Variants in RPL11 observed in about 807,000 individuals in gnomAD.
RPL11 encodes ribosomal protein L11.
Under a neutral mutation model 24.1 loss-of-function variants are expected in RPL11, and 3 were observed. That is an observed-to-expected ratio of 0.12 (90% CI 0.06 to 0.32). RPL11 has a LOEUF of 0.32. Ranked by LOEUF, RPL11 falls within the 10% of genes least tolerant of loss-of-function variation. RPL11 has a pLI of 1.00. For missense variants in RPL11, 146 were observed against 225.7 expected, an observed-to-expected ratio of 0.65 and a Z score of 2.26; for synonymous variants, 96 against 75.7, an observed-to-expected ratio of 1.27 and a Z score of -1.39.
intron 4 of RPL11, chr1:23,695,567 G>T: frequency 1.8e-6 from 1 of 559,792 alleles, no homozygotes; most frequent in Non-Finnish European, 3.2e-6. Flanking sequence ...TGGAAAATAG[G>T]CTGGGTTAGG....
At chr1:23,694,837 G>A (rs568061540) in intron 4 of RPL11, 46 bp downstream of exon 4, 38 of 1,613,538 alleles carry the variant, frequency 2.4e-5, no homozygotes, top group Non-Finnish European at 3.1e-5. Flanking sequence ...TGAGGAGAGG[G>A]GAATCTTTAT....
chr1:23,691,886 C>T (rs753308073), intron 1 of RPL11, 57 bp downstream of exon 1: 1 of 1,612,536 alleles, frequency 6.2e-7, no homozygotes, highest in Non-Finnish European at 8.5e-7. Context: ...CATGGCAGGC[C>T]GAGCCTGCGG....
In RPL11 at chr1:23,696,723, C is replaced by T; in HGVS notation, c.*350C>T. 2.5e-6 allele frequency: 1 copy of T among 396,084 alleles called. No homozygotes were observed. Among genetic ancestry groups the T allele is most frequent in the East Asian group, 5.7e-5 (1 of 17,698 alleles). 24.5% of individuals were successfully genotyped at this position (396,084 alleles called of 1,614,324 possible). A position where few individuals can be genotyped will look rare whatever the true frequency, so the allele number is the denominator to read the frequency against. The stretch of plus-strand genomic sequence containing the variant: ...CAGTGCTCCTGTGTTCCAGGAGGCC[C>T]CCTGCTATTCAGTGATTCTGTTCTG... On this transcript the variant is annotated 3_prime_UTR_variant, in exon 6 of 6. Coordinates refer to ENST00000643754, the MANE Select transcript of RPL11 (RefSeq NM_000975.5).
rs1280744713 is a variant in RPL11 at position 23,696,665 on chromosome 1, G to T, written c.*292G>T. 3.9e-6 allele frequency: 2 copies of T among 512,840 alleles called. No homozygotes were observed. Among genetic ancestry groups the T allele is most frequent in the East Asian group, 7.1e-5 (2 of 28,342 alleles). 31.8% of individuals were successfully genotyped at this position (512,840 alleles called of 1,614,324 possible). A position where few individuals can be genotyped will look rare whatever the true frequency, so the allele number is the denominator to read the frequency against. On this transcript the variant is annotated 3_prime_UTR_variant, in exon 6 of 6. Coordinates refer to ENST00000643754, the MANE Select transcript of RPL11 (RefSeq NM_000975.5). ...GAGGGGAGGGTTTGGTTGATGTTGG[G>T]GTTTGAATTTAGAGCCTTGGTTAAG...
chr1:23,692,221 G>C lies in RPL11; in HGVS notation c.7-388G>C, dbSNP rs546192807. The stretch of plus-strand genomic sequence containing the variant: ...AGGTGCCAGCCTTTAGACAGCTTCC[G>C]AATAGGATGCTGGACGTCGCATAAC... On this transcript the variant is annotated intron_variant, in intron 1 of 5. Transcript: ENST00000643754. 5.5e-4 allele frequency: 239 copies of C among 431,392 alleles called. 2 individuals are homozygous for C. Among genetic ancestry groups the C allele is most frequent in the African/African-American group, 4.3e-3 (217 of 50,174 alleles). The allele number at this position is 431,392 out of a possible 1,614,324, so 26.7% of individuals were successfully genotyped here.
At position 23,694,790 on chromosome 1, in the gene RPL11, T is replaced by C. The variant is rs759713829; in HGVS notation, c.395T>C (p.Val132Ala). The C allele has an allele frequency of 3.1e-6, 5 of 1,614,184 alleles. No homozygotes were observed. The highest frequency in any genetic ancestry group is 3.4e-6 in the Non-Finnish European group (4 of 1,180,042). Residue 132 changes from valine to alanine, a missense_variant and splice_region_variant, in exon 4 of 6, where the codon GTG becomes GCG. By Grantham distance (64) the Val-to-Ala change is moderately conservative. Transcript: ENST00000643754. ...GGTATCTACGGCCTGGACTTCTATGTGGTATGAATATTTAATCTTTTCCCG... is the reference window on the plus strand; with the variant it reads ...GGTATCTACGGCCTGGACTTCTATGCGGTATGAATATTTAATCTTTTCCCG... ...SIGIYGLDFYVVLGRPGFSIA... is the reference protein window; with the variant it reads ...SIGIYGLDFYAVLGRPGFSIA...
intron 2 of RPL11, 139 bp downstream of exon 2, chr1:23,692,898 G>GTTT: frequency 1.1e-6 from 1 of 871,732 alleles, no homozygotes; most frequent in Non-Finnish European, 1.7e-6. Context: ...GCCAAGAGGT[G>GTTT]TCTTTTTTTT....
chr1:23,694,937 C>T, intron 4 of RPL11, 146 bp downstream of exon 4: 3 of 1,307,906 alleles, frequency 2.3e-6, no homozygotes, highest in African/African-American at 1.5e-5. Flanking sequence ...GGGAAATGTG[C>T]CTCATTTGTG....
intron 4 of RPL11, chr1:23,695,097 G>A: frequency 4.7e-6 from 2 of 424,126 alleles, no homozygotes; most frequent in South Asian, 2.1e-5. Flanking sequence ...TTTGGAGAGA[G>A]GCAGTATTGG....
chr1:23,696,048 G>A, intron 5 of RPL11, 140 bp downstream of exon 5: 1 of 883,156 alleles, frequency 1.1e-6, no homozygotes, highest in Non-Finnish European at 1.9e-6. Flanking sequence ...CAAATCAGGG[G>A]CTTCCAGGGA....
chr1:23,694,855 G>A (rs1644523853), intron 4 of RPL11, 64 bp downstream of exon 4: 2 of 1,609,454 alleles, frequency 1.2e-6, no homozygotes, highest in Admixed American at 1.7e-5. Context: ...TATTTCATAT[G>A]TGGTATGTTG....
chr1:23,694,491 A>T (rs1009881113), intron 3 of RPL11, among the ~76,000 whole-genome samples, 169 bp from the exon 4 acceptor site: 1 of 152,080 alleles, frequency 6.6e-6, no homozygotes, highest in East Asian at 1.9e-4. Context: ...TTGGGGTGTG[A>T]ATCTATAGTC....
chr1:23,695,975 G>A lies in RPL11; in HGVS notation c.507+67G>A. 4 of 1,448,544 alleles carry A rather than the reference G, an allele frequency of 2.8e-6. No homozygotes were observed. The South Asian group carries it at 3.7e-5, about 13-fold the overall frequency. 89.7% of individuals were successfully genotyped at this position (1,448,544 alleles called of 1,614,324 possible). ...TTGGTGAATGGAGTTGGGATTTGGG[G>A]ATGCAAAATATAGTACTATTTGCTG... On this transcript the variant is annotated intron_variant, in intron 5 of 5. Transcript: ENST00000643754.
chr1:23,693,663 A>G, intron 2 of RPL11, 144 bp from the exon 3 acceptor site: 1 of 681,180 alleles, frequency 1.5e-6, no homozygotes, highest in Non-Finnish European at 2.7e-6. Context: ...TAGATGTGGG[A>G]GACACTAATT....
rs563359209 is a variant in RPL11, at chr1:23,692,116, G to T, written c.6+287G>T. ...TGAATGGAGGGTTCTGAGGCAGGGGGGTCCGGGCCTTTTCCTGGTCCCGGG... is the reference window on the plus strand; with the variant it reads ...TGAATGGAGGGTTCTGAGGCAGGGGTGTCCGGGCCTTTTCCTGGTCCCGGG... On this transcript the variant is annotated intron_variant, in intron 1 of 5. Coordinates refer to ENST00000643754, the MANE Select transcript of RPL11 (RefSeq NM_000975.5). The T allele has an allele frequency of 3.2e-5, 18 of 563,500 alleles. No homozygotes were observed. In the East Asian group the frequency reaches 4.8e-4, roughly 15 times the overall value. 34.9% of individuals were successfully genotyped at this position (563,500 alleles called of 1,614,324 possible).
chr1:23,696,442 G>A lies in RPL11; in HGVS notation c.*69G>A, dbSNP rs1169616578. On this transcript the variant is annotated 3_prime_UTR_variant, in exon 6 of 6. Coordinates refer to ENST00000643754, the MANE Select transcript of RPL11 (RefSeq NM_000975.5). ...AATGTGCAATTCTGTTGTGTGTTCT[G>A]TGAAAGGATCCTGGCCATATTCAAG... is the stretch of plus-strand genomic sequence containing the variant. 1.3e-6 allele frequency: 2 copies of A among 1,504,962 alleles called. No homozygotes were observed. Among genetic ancestry groups the A allele is most frequent in the Admixed American group, 3.4e-5 (2 of 59,276 alleles). The allele number at this position is 1,504,962 out of a possible 1,614,324, so 93.2% of individuals were successfully genotyped here. A position where few individuals can be genotyped will look rare whatever the true frequency, so the allele number is the denominator to read the frequency against.
chr1:23,692,928 C>T (rs1201349776), intron 2 of RPL11, among the ~76,000 whole-genome samples, 169 bp downstream of exon 2: 17 of 147,550 alleles, frequency 1.2e-4, no homozygotes, highest in African/African-American at 3.8e-4. Flanking sequence ...TTCAAGATGG[C>T]GTGTGGGATT....
intron 5 of RPL11, 128 bp from the exon 6 acceptor site, chr1:23,696,216 C>T: frequency 1.1e-6 from 1 of 914,206 alleles, no homozygotes. Flanking sequence ...CCTATTTAGT[C>T]CAGAAAAGGA....
At chr1:23,696,196 C>G in intron 5 of RPL11, 148 bp from the exon 6 acceptor site, 1 of 832,656 alleles carries the variant, frequency 1.2e-6, no homozygotes, top group Non-Finnish European at 2.0e-6. Flanking sequence ...GTGTAAAAAC[C>G]AGCCAGCTTC....
Sources: gnomAD v4.1 joint callset for allele counts (sites outside exome capture counted in the v4.1 genomes callset) on GRCh38, gnomAD v4.1.1 for gene constraint, MANE v1.5 for transcripts, NCBI Gene and HGNC (gene_info 2026-07-23, HGNC 2026-07-21) for gene names.